SOCS7: variants seen among roughly 807,000 people sequenced by gnomAD.
The protein encoded by SOCS7 is suppressor of cytokine signaling 7, also known as NAP-4.
SOCS7 carries 18 observed loss-of-function variants against 58.9 expected under a neutral mutation model. The observed-to-expected ratio is 0.31, with a 90% confidence interval of 0.21 to 0.45. SOCS7 has a LOEUF of 0.45. SOCS7 is among the 20% of genes least tolerant of loss of function. The pLI is 1.00. For synonymous variants in SOCS7, 388 were observed against 364.3 expected, an observed-to-expected ratio of 1.06 and a Z score of -0.74; for missense variants, 667 against 837.3, an observed-to-expected ratio of 0.80 and a Z score of 2.51.
intron 6 of SOCS7, among the ~76,000 whole-genome samples, chr17:38,368,402 T>G (rs2037819813): frequency 1.3e-5 from 2 of 152,206 alleles, no homozygotes; most frequent in Admixed American, 1.3e-4. Flanking sequence ...TCACAAGCTT[T>G]GTTTGTAGTT....
intron 9 of SOCS7, among the ~76,000 whole-genome samples, chr17:38,398,430 A>G (rs2038272736): frequency 6.6e-6 from 1 of 151,666 alleles, no homozygotes; most frequent in African/African-American, 2.4e-5. Context: ...TTTTTAGTAG[A>G]CTGGGTTTCA....
Position 38,384,580 on chromosome 17 carries a change from C to T in SOCS7, c.1681+6738C>T, listed in dbSNP as rs140401247. On this transcript the variant is annotated intron_variant, in intron 7 of 9. Transcript: ENST00000612932. ...AAGTGTTGAGATTACAGGTGTGAAC[C>T]ACCATGCCCAGCTTCTTTTTTTTTT... Among the ~76,000 whole-genome samples, 15 of 152,072 alleles carry T rather than the reference C, an allele frequency of 9.9e-5. 1 individual carries two copies. The East Asian group carries it at 2.9e-3, about 29-fold the overall frequency.
At chr17:38,399,102 A>G (rs577114007) in intron 9 of SOCS7, among the ~76,000 whole-genome samples, 47 of 150,176 alleles carry the variant, frequency 3.1e-4, no homozygotes, top group East Asian at 2.7e-3. Flanking sequence ...AAAAAAAAAA[A>G]AAAGAAAGAA....
Sources: gnomAD v4.1 joint callset for allele counts (sites outside exome capture counted in the v4.1 genomes callset) on GRCh38, gnomAD v4.1.1 for gene constraint, MANE v1.5 for transcripts, NCBI Gene and HGNC (gene_info 2026-07-23, HGNC 2026-07-21) for gene names.